Variants in DECR1 observed in about 807,000 individuals in gnomAD.
DECR1 encodes the protein 2,4-dienoyl-CoA reductase 1.
Under a neutral mutation model 38.8 loss-of-function variants are expected in DECR1, and 44 were observed. That is an observed-to-expected ratio of 1.13 (90% CI 0.89 to 1.46). The LOEUF is 1.46. Ranked by LOEUF, DECR1 falls within the 40% of genes most tolerant of loss-of-function variation. DECR1 has a pLI of 0.00. For synonymous variants in DECR1, 148 were observed against 135.2 expected (o/e 1.09, Z -0.66); for missense variants, 428 against 405.5 (o/e 1.06, Z -0.48).
chr8:90,034,770 G>A (rs538997041), intron 5 of DECR1, among the ~76,000 whole-genome samples: 4 of 152,200 alleles, frequency 2.6e-5, no homozygotes, highest in African/African-American at 9.6e-5. Context: ...TTAATTTATT[G>A]AGAACCTGCT....
chr8:90,025,888 TAC>T (rs1813322103), intron 5 of DECR1, among the ~76,000 whole-genome samples: 3 of 152,204 alleles, frequency 2.0e-5, no homozygotes, highest in Non-Finnish European at 4.4e-5. Flanking sequence ...TATTTTGAGA[TAC>T]GTCCCATCAA....
intron 1 of DECR1, among the ~76,000 whole-genome samples, chr8:90,009,901 TG>T (rs1486966927): frequency 1.3e-5 from 2 of 152,210 alleles, no homozygotes; most frequent in Non-Finnish European, 2.9e-5. Context: ...AGATAACCAC[TG>T]TAATAAAATG....
intron 6 of DECR1, among the ~76,000 whole-genome samples, chr8:90,038,639 G>A (rs1012305599): frequency 6.6e-6 from 1 of 151,838 alleles, no homozygotes; most frequent in Admixed American, 6.6e-5. Context: ...TGTACTTTTA[G>A]TAGAGATGGG....
chr8:90,028,556 C>T (rs1025443907), intron 5 of DECR1, among the ~76,000 whole-genome samples: 3 of 152,032 alleles, frequency 2.0e-5, no homozygotes, highest in African/African-American at 7.2e-5. Context: ...GTGATTCCCA[C>T]AAGTTGTATA....
Position 90,052,055 on chromosome 8 carries a change from A to G in DECR1, c.*158A>G. The G allele has an allele frequency of 1.6e-6, 1 of 622,834 alleles. No homozygotes were observed. The highest frequency in any genetic ancestry group is 2.7e-6 in the Non-Finnish European group (1 of 368,330). 38.6% of individuals were successfully genotyped at this position (622,834 alleles called of 1,614,324 possible). On this transcript the variant is annotated 3_prime_UTR_variant, in exon 10 of 10. Transcript: ENST00000220764. ...GGCCAGTGATAGCCATTGTATATTC[A>G]AAGATAAATAAAATGAAATATAGTC...
chr8:90,008,971 T>A (rs1412740557), intron 1 of DECR1, among the ~76,000 whole-genome samples: 2 of 152,202 alleles, frequency 1.3e-5, no homozygotes, highest in Non-Finnish European at 2.9e-5. Flanking sequence ...ATAGTTTCCC[T>A]GCTTCCAACC....
In DECR1 at chr8:90,052,044, A is replaced by G. The variant is rs1814112022; in HGVS notation, c.*147A>G. The G allele has an allele frequency of 1.5e-6, 1 of 650,002 alleles. No individual in the cohort carries two copies. Among genetic ancestry groups the G allele is most frequent in the Non-Finnish European group, 2.6e-6 (1 of 384,454 alleles). 40.3% of individuals were successfully genotyped at this position (650,002 alleles called of 1,614,324 possible). ...ATTATGTGCCAGGCCAGTGATAGCC[A>G]TTGTATATTCAAAGATAAATAAAAT... On this transcript the variant is annotated 3_prime_UTR_variant, in exon 10 of 10. Coordinates refer to ENST00000220764, the MANE Select transcript of DECR1 (RefSeq NM_001359.2).
intron 1 of DECR1, among the ~76,000 whole-genome samples, chr8:90,016,487 T>G (rs1470089681): frequency 3.3e-5 from 5 of 151,698 alleles, no homozygotes; most frequent in Non-Finnish European, 7.4e-5. Context: ...ATACAAAAAT[T>G]TAACGGCGTG....
chr8:90,049,832 T>C (rs987157462), intron 8 of DECR1, among the ~76,000 whole-genome samples: 7 of 152,110 alleles, frequency 4.6e-5, no homozygotes, highest in African/African-American at 1.4e-4. Context: ...AACAGAGATA[T>C]AGACCAACGG....
At chr8:90,027,497 C>A (rs1475890512) in intron 5 of DECR1, among the ~76,000 whole-genome samples, 1 of 152,018 alleles carries the variant, frequency 6.6e-6, no homozygotes, top group African/African-American at 2.4e-5. Context: ...CTCTTCTGAT[C>A]TTTGTTGGTT....
At chr8:90,018,241 G>T (rs1213136277) in intron 2 of DECR1, among the ~76,000 whole-genome samples, 1 of 152,194 alleles carries the variant, frequency 6.6e-6, no homozygotes, top group Non-Finnish European at 1.5e-5. Flanking sequence ...CTGTTATTGT[G>T]ATGAATATAG....
intron 5 of DECR1, among the ~76,000 whole-genome samples, chr8:90,021,575 T>C (rs1813165649): frequency 6.6e-6 from 1 of 152,200 alleles, no homozygotes; most frequent in African/African-American, 2.4e-5. Flanking sequence ...TATTTTTGTA[T>C]AGATTTCCAT....
intron 5 of DECR1, among the ~76,000 whole-genome samples, chr8:90,034,342 C>T (rs1370666798): frequency 6.6e-6 from 1 of 152,050 alleles, no homozygotes; most frequent in East Asian, 1.9e-4. Flanking sequence ...TAAGTATTGT[C>T]TTATCCCGTG....
At chr8:90,038,691 A>G (rs1813677797) in intron 6 of DECR1, among the ~76,000 whole-genome samples, 2 of 152,012 alleles carry the variant, frequency 1.3e-5, no homozygotes, top group East Asian at 1.9e-4. Context: ...TGACTTCCCC[A>G]CTTGGACCAG....
At chr8:90,041,895 CA>C (rs1300178315) in intron 6 of DECR1, among the ~76,000 whole-genome samples, 2 of 152,000 alleles carry the variant, frequency 1.3e-5, no homozygotes, top group African/African-American at 2.4e-5. Context: ...CTGTCTTCCT[CA>C]TTTGCATTAT....
chr8:90,051,337 G>A (rs1393490131), intron 8 of DECR1, among the ~76,000 whole-genome samples: 1 of 152,048 alleles, frequency 6.6e-6, no homozygotes, highest in Non-Finnish European at 1.5e-5. Flanking sequence ...GGAGACGAGA[G>A]AGAGAGAGAT....
intron 7 of DECR1, among the ~76,000 whole-genome samples, chr8:90,043,954 C>G (rs1813825273): frequency 6.6e-6 from 1 of 152,168 alleles, no homozygotes; most frequent in Admixed American, 6.5e-5. Context: ...TTCACTGTAT[C>G]TACGGGTACT....
intron 5 of DECR1, among the ~76,000 whole-genome samples, chr8:90,026,152 G>C (rs770830382): frequency 6.6e-6 from 1 of 152,110 alleles, no homozygotes; most frequent in Non-Finnish European, 1.5e-5. Flanking sequence ...TTTTTGCATG[G>C]ATGTTCATCA....
intron 5 of DECR1, among the ~76,000 whole-genome samples, chr8:90,032,725 A>G (rs2130113143): frequency 6.6e-6 from 1 of 152,288 alleles, no homozygotes; most frequent in Middle Eastern, 3.4e-3. Flanking sequence ...ACCCTTATGC[A>G]CTGCTCAACC....
Sources: gnomAD v4.1 joint callset for allele counts (sites outside exome capture counted in the v4.1 genomes callset) on GRCh38, gnomAD v4.1.1 for gene constraint, MANE v1.5 for transcripts, NCBI Gene and HGNC (gene_info 2026-07-23, HGNC 2026-07-21) for gene names.